Variants in TMEM117 observed in about 807,000 individuals in gnomAD.
TMEM117 encodes transmembrane protein 117.
TMEM117 carries 27 observed loss-of-function variants against 52.4 expected under a neutral mutation model. That is an observed-to-expected ratio of 0.51 (90% CI 0.38 to 0.71). The LOEUF (loss-of-function observed/expected upper bound fraction) is 0.71. Among genes scored for constraint, TMEM117 ranks in the 30% least tolerant of loss-of-function variants. The pLI, the probability that TMEM117 is intolerant of heterozygous loss-of-function variation, is 0.00. For missense variants in TMEM117, 556 were observed against 630.5 expected (o/e 0.88, Z 1.26); for synonymous variants, 215 against 206.3 (o/e 1.04, Z -0.36).
intron 3 of TMEM117, among the ~76,000 whole-genome samples, chr12:44,120,226 C>T (rs1948210902): frequency 6.6e-6 from 1 of 152,178 alleles, no homozygotes; most frequent in Non-Finnish European, 1.5e-5. Context: ...TAGGAATTAT[C>T]ATTTTCCCGA....
rs76096911 is a variant in TMEM117 at position 43,950,454 on chromosome 12, G to A, written c.410+6112G>A. ...TGGAGGCTGGGGGTGGGGTCTTGTG[G>A]GGTTGGGGGCAATGACTGAAGTTTC... On this transcript the variant is annotated intron_variant, in intron 3 of 7. Coordinates refer to ENST00000266534, the MANE Select transcript of TMEM117 (RefSeq NM_032256.3). 1.8e-3 allele frequency among the ~76,000 whole-genome samples: 276 copies of A among 152,216 alleles called. 3 individuals are homozygous for A. The East Asian group carries it at 0.05, about 28-fold the overall frequency.
intron 3 of TMEM117, among the ~76,000 whole-genome samples, chr12:44,127,348 G>T (rs1024707592): frequency 6.6e-6 from 1 of 151,736 alleles, no homozygotes; most frequent in Non-Finnish European, 1.5e-5. Flanking sequence ...TTGTTTTGAA[G>T]GTATTTTGTA....
At chr12:43,800,657 A>T in the TMEM117 span, 3 of 649,482 alleles carry the variant, frequency 4.6e-6, no homozygotes, top group Non-Finnish European at 8.0e-6. Context: ...TCCACCCACT[A>T]TAATATGCTA....
intron 5 of TMEM117, among the ~76,000 whole-genome samples, chr12:44,280,099 T>A (rs1007719094): frequency 6.6e-6 from 1 of 152,202 alleles, no homozygotes; most frequent in South Asian, 2.1e-4. Flanking sequence ...TTATTTTTAT[T>A]TTTTTTACCT....
chr12:44,317,329 C>T (rs575183452), intron 6 of TMEM117, among the ~76,000 whole-genome samples: 75 of 145,282 alleles, frequency 5.2e-4, no homozygotes, highest in Middle Eastern at 3.5e-3. Context: ...CTTTGTTTTT[C>T]TCCCTAGTGG....
intron 3 of TMEM117, among the ~76,000 whole-genome samples, chr12:44,007,575 C>G (rs6582495): frequency 0.15 from 22,936 of 152,076 alleles, 3,134 homozygotes; most frequent in African/African-American, 0.37. Context: ...ACTTCTAGTG[C>G]ATGCCTGAAA....
the TMEM117 span, among the ~76,000 whole-genome samples, chr12:43,824,173 C>T: frequency 6.6e-6 from 1 of 152,206 alleles, no homozygotes; most frequent in Non-Finnish European, 1.5e-5. Flanking sequence ...CCAAGCATGT[C>T]TATCGAATTC....
At chr12:43,863,934 C>A (rs180772433) in intron 2 of TMEM117, among the ~76,000 whole-genome samples, 6 of 152,138 alleles carry the variant, frequency 3.9e-5, no homozygotes, top group Non-Finnish European at 8.8e-5. Flanking sequence ...CTGCGCCCGG[C>A]GCTTGCGGGC....
intron 5 of TMEM117, among the ~76,000 whole-genome samples, chr12:44,254,814 C>G (rs920796620): frequency 3.0e-4 from 46 of 152,182 alleles, no homozygotes; most frequent in Non-Finnish European, 3.5e-4. Context: ...CCCTCTCCCC[C>G]CACCCCACAA....
intron 3 of TMEM117, among the ~76,000 whole-genome samples, chr12:44,081,727 T>C (rs73286295): frequency 0.035 from 5,356 of 152,170 alleles, 216 homozygotes; most frequent in African/African-American, 0.091. Context: ...AAGTCCAACA[T>C]GCAAAACTTC....
chr12:44,375,653 A>G (rs887187633), intron 6 of TMEM117, among the ~76,000 whole-genome samples: 1 of 152,174 alleles, frequency 6.6e-6, no homozygotes, highest in African/African-American at 2.4e-5. Flanking sequence ...TCAAATTAAT[A>G]TTTTGTTTCT....
the TMEM117 span, among the ~76,000 whole-genome samples, chr12:44,398,020 C>T: frequency 5.9e-5 from 9 of 151,994 alleles, no homozygotes; most frequent in African/African-American, 2.2e-4. Flanking sequence ...CCACCCTACT[C>T]CGGCCCCATA....
intron 3 of TMEM117, among the ~76,000 whole-genome samples, chr12:44,121,553 C>G (rs1366644183): frequency 2.6e-5 from 4 of 152,064 alleles, no homozygotes; most frequent in Non-Finnish European, 5.9e-5. Context: ...TTTTCTCTAG[C>G]TTAACATATT....
At chr12:44,037,454 G>A (rs913347419) in intron 3 of TMEM117, among the ~76,000 whole-genome samples, 6 of 152,062 alleles carry the variant, frequency 3.9e-5, no homozygotes, top group African/African-American at 1.2e-4. Flanking sequence ...GACTCCTGCC[G>A]CCTCGGCCCC....
intron 3 of TMEM117, among the ~76,000 whole-genome samples, chr12:44,072,051 T>G (rs1009130368): frequency 1.3e-5 from 2 of 152,216 alleles, no homozygotes; most frequent in African/African-American, 4.8e-5. Flanking sequence ...GGCTTCCAGC[T>G]TCACATCCAG....
intron 4 of TMEM117, among the ~76,000 whole-genome samples, chr12:44,203,006 G>A (rs1328036149): frequency 6.6e-6 from 1 of 151,870 alleles, no homozygotes; most frequent in Non-Finnish European, 1.5e-5. Context: ...TGTTGGCTAC[G>A]CTTGTCTCAA....
intron 7 of TMEM117, among the ~76,000 whole-genome samples, chr12:44,386,138 A>G (rs1469988334): frequency 6.6e-6 from 1 of 151,994 alleles, no homozygotes; most frequent in African/African-American, 2.4e-5. Context: ...CTCATTTGGC[A>G]CCTCCAGATG....
rs1946608264 is a variant in TMEM117, at chr12:44,029,984, AG to A, written c.410+85643del. On this transcript the variant is annotated intron_variant, in intron 3 of 7. Coordinates refer to ENST00000266534, the MANE Select transcript of TMEM117 (RefSeq NM_032256.3). ...ATTTAGGGTTCAATTCCTGGTTTAG[AG>A]ATGAGTCCTTTATCTTCTGTCAGTA... Among the ~76,000 whole-genome samples the A allele has an allele frequency of 2.7e-5, 4 of 149,276 alleles. No homozygotes were observed. In the South Asian group the frequency reaches 6.4e-4, roughly 24 times the overall value.
At chr12:44,050,731 G>A (rs751533785) in intron 3 of TMEM117, among the ~76,000 whole-genome samples, 3 of 152,168 alleles carry the variant, frequency 2.0e-5, no homozygotes, top group Non-Finnish European at 4.4e-5. Context: ...GAGATCTATC[G>A]CTAATATAGT....
Sources: gnomAD v4.1 joint callset for allele counts (sites outside exome capture counted in the v4.1 genomes callset) on GRCh38, gnomAD v4.1.1 for gene constraint, MANE v1.5 for transcripts, NCBI Gene and HGNC (gene_info 2026-07-23, HGNC 2026-07-21) for gene names.